NFIL3: variants seen among roughly 807,000 people sequenced by gnomAD.
The protein encoded by NFIL3 is nuclear factor interleukin-3-regulated protein.
In NFIL3, 5 loss-of-function variants were observed where a neutral mutation model predicts 10.0. The observed-to-expected ratio is 0.50, with a 90% CI of 0.26 to 1.06. The LOEUF (loss-of-function observed/expected upper bound fraction) is 1.06, where lower values mean the gene tolerates loss of function less well. Among genes scored for constraint, NFIL3 ranks in the 50% least tolerant of loss-of-function variants. The probability of loss-of-function intolerance (pLI) is 0.13; values close to 1 mark genes in which losing one functional copy is unlikely to be tolerated. For synonymous variants in NFIL3, 202 were observed against 206.5 expected, an observed-to-expected ratio of 0.98 and a Z score of 0.19; for missense variants, 436 against 547.6, an observed-to-expected ratio of 0.80 and a Z score of 2.03.
the NFIL3 span, among the ~76,000 whole-genome samples, chr9:91,430,570 G>A: frequency 1.1e-4 from 17 of 152,166 alleles, no homozygotes; most frequent in Non-Finnish European, 5.9e-5. Flanking sequence ...TGAAGGAGAG[G>A]AGACCCACAT....
At chr9:91,424,554 C>G (rs952979651), upstream of NFIL3, among the ~76,000 whole-genome samples, 3 of 152,206 alleles carry the variant, frequency 2.0e-5, no homozygotes, top group African/African-American at 7.2e-5. Flanking sequence ...GTCCCGGCGC[C>G]TCTCCCGAGA....
the NFIL3 span, among the ~76,000 whole-genome samples, chr9:91,461,232 AC>A: frequency 2.0e-5 from 3 of 152,250 alleles, no homozygotes; most frequent in African/African-American, 7.2e-5. Context: ...TCCAATTTAT[AC>A]ACAGAAGAAA....
At chr9:91,435,878 C>T in the NFIL3 span, among the ~76,000 whole-genome samples, 4 of 152,184 alleles carry the variant, frequency 2.6e-5, no homozygotes, top group African/African-American at 9.7e-5. Context: ...TTGTACATCC[C>T]ATAGTTCACT....
chr9:91,449,234 T>C, the NFIL3 span, among the ~76,000 whole-genome samples: 2 of 152,176 alleles, frequency 1.3e-5, no homozygotes, highest in African/African-American at 4.8e-5. Context: ...AACTTAACTA[T>C]ACAATGTTGC....
the NFIL3 span, among the ~76,000 whole-genome samples, chr9:91,452,425 A>G: frequency 6.9e-6 from 1 of 144,450 alleles, no homozygotes; most frequent in Non-Finnish European, 1.5e-5. Context: ...TTTCCAGATC[A>G]AATCAATGCA....
chr9:91,430,223 A>C, the NFIL3 span, among the ~76,000 whole-genome samples: 1 of 152,226 alleles, frequency 6.6e-6, no homozygotes, highest in South Asian at 2.1e-4. Context: ...TATTCAATTC[A>C]GATGAACAAG....
At chr9:91,475,246 C>T in the NFIL3 span, among the ~76,000 whole-genome samples, 1 of 152,202 alleles carries the variant, frequency 6.6e-6, no homozygotes. Context: ...ATTATCCATT[C>T]CAGTACAGAC....
At chr9:91,467,706 GC>G in the NFIL3 span, among the ~76,000 whole-genome samples, 1 of 151,222 alleles carries the variant, frequency 6.6e-6, no homozygotes, top group East Asian at 2.0e-4. Flanking sequence ...CCCACAACAG[GC>G]CCTGGTATGT....
chr9:91,440,089 G>A, the NFIL3 span, among the ~76,000 whole-genome samples: 1 of 152,112 alleles, frequency 6.6e-6, no homozygotes, highest in African/African-American at 2.4e-5. Context: ...GGAAGTATTG[G>A]TATTAGTTCC....
upstream of NFIL3, among the ~76,000 whole-genome samples, chr9:91,426,645 A>G (rs1833876741): frequency 6.6e-6 from 1 of 152,134 alleles, no homozygotes; most frequent in Non-Finnish European, 1.5e-5. Flanking sequence ...CCAGCAGAAG[A>G]CAATCAACCA....
At chr9:91,438,243 G>A in the NFIL3 span, among the ~76,000 whole-genome samples, 2 of 152,026 alleles carry the variant, frequency 1.3e-5, no homozygotes, top group East Asian at 1.9e-4. Flanking sequence ...ATTTTGACTC[G>A]TGTTTCCTGA....
the NFIL3 span, among the ~76,000 whole-genome samples, chr9:91,432,676 A>G: frequency 1.3e-5 from 2 of 151,682 alleles, no homozygotes; most frequent in African/African-American, 4.8e-5. Flanking sequence ...TTTTTTTGCC[A>G]GATCTTAATT....
Position 91,423,750 on chromosome 9 carries a change from G to T in NFIL3, c.-283C>A. 1.4e-5 allele frequency: 2 copies of T among 145,826 alleles called. No individual in the cohort carries two copies. The highest frequency in any genetic ancestry group is 3.9e-4 in the South Asian group (2 of 5,084). 9.0% of individuals were successfully genotyped at this position (145,826 alleles called of 1,614,324 possible). Reference sequence around the variant, plus strand: ...GGCCTCCGGGGCCGCGGCGGGAGGCGGGCGGCGGCGAGGGCGCGGCGCGGG... The same window carrying T: ...GGCCTCCGGGGCCGCGGCGGGAGGCTGGCGGCGGCGAGGGCGCGGCGCGGG... On this transcript the variant is annotated 5_prime_UTR_variant, in exon 1 of 2. Transcript: ENST00000297689.
At position 91,409,415 on chromosome 9, in the gene NFIL3, T is replaced by G; in HGVS notation, c.1320A>C (p.Leu440Phe). 1 of 1,613,456 alleles carries G rather than the reference T, an allele frequency of 6.2e-7. No individual in the cohort carries two copies. The highest frequency in any genetic ancestry group is 1.1e-5 in the South Asian group (1 of 90,944). Reference protein sequence around the residue: ...NLYLKQGIANLSAEVVSLKRL... With the variant: ...NLYLKQGIANFSAEVVSLKRL... ...TCTTGAGTGAGACAACCTCTGCAGA[T>G]AAGTTTGCTATCCCCTGCTTCAAAT... The change falls in exon 2 of 2, where the codon TTA (leucine) becomes TTC (phenylalanine). Residue 440 changes from leucine (L) to phenylalanine (F), a missense_variant. Leu to Phe is a conservative substitution (Grantham distance 22). This residue lies in a region of NFIL3 where 338 missense variants were observed against 399.9 expected (regional missense o/e 0.85). Coordinates refer to ENST00000297689, the MANE Select transcript of NFIL3 (RefSeq NM_005384.3).
chr9:91,426,281 A>G (rs1308868233), upstream of NFIL3: 3 of 152,052 alleles, frequency 2.0e-5, no homozygotes, highest in African/African-American at 7.3e-5. Flanking sequence ...TTAGAAAACA[A>G]CTCTTTAGCT....
chr9:91,433,362 T>G, the NFIL3 span, among the ~76,000 whole-genome samples: 1 of 152,300 alleles, frequency 6.6e-6, no homozygotes, highest in African/African-American at 2.4e-5. Context: ...CCTCTGAAGG[T>G]TATGGTGAGG....
chr9:91,463,925 C>G, the NFIL3 span, among the ~76,000 whole-genome samples: 1 of 152,048 alleles, frequency 6.6e-6, no homozygotes, highest in Admixed American at 6.6e-5. Context: ...CTCTTTATCC[C>G]TGATAATTCT....
At chr9:91,451,249 C>A in the NFIL3 span, among the ~76,000 whole-genome samples, 32 of 152,290 alleles carry the variant, frequency 2.1e-4, no homozygotes, top group East Asian at 6.0e-3. Context: ...GCTGCTAGAA[C>A]TGCCTCTAGT....
At chr9:91,462,888 T>C in the NFIL3 span, among the ~76,000 whole-genome samples, 1 of 151,974 alleles carries the variant, frequency 6.6e-6, no homozygotes, top group East Asian at 1.9e-4. Flanking sequence ...ACATAAAATA[T>C]TCAGTTTATC....
Sources: allele counts gnomAD v4.1 joint callset (sites outside exome capture counted in the v4.1 genomes callset), GRCh38; gene constraint gnomAD v4.1.1; regional missense constraint gnomAD v4.1.1; transcripts MANE v1.5; gene names NCBI Gene and HGNC (gene_info 2026-07-23, HGNC 2026-07-21).